Variants in DNAJC10 observed in about 807,000 individuals in gnomAD.
DNAJC10 encodes the protein DnaJ heat shock protein family (Hsp40) member C10.
Under a neutral mutation model 115.0 loss-of-function variants are expected in DNAJC10, and 101 were observed. That is an observed-to-expected ratio of 0.88 (90% confidence interval 0.75 to 1.04). DNAJC10 has a LOEUF of 1.04. Ranked by LOEUF, DNAJC10 falls within the 50% of genes least tolerant of loss-of-function variation. The pLI is 0.00. For synonymous variants in DNAJC10, 307 were observed against 301.5 expected (o/e 1.02, Z -0.19); for missense variants, 981 against 928.8 (o/e 1.06, Z -0.73).
At chr2:182,718,796 GC>G (rs1019233400) in intron 3 of DNAJC10, among the ~76,000 whole-genome samples, 2 of 152,108 alleles carry the variant, frequency 1.3e-5, no homozygotes, top group Non-Finnish European at 1.5e-5. Flanking sequence ...TGAATATAAT[GC>G]CAGTCATAAA....
chr2:182,771,016 G>C (rs777325112), intron 22 of DNAJC10, among the ~76,000 whole-genome samples: 10 of 152,134 alleles, frequency 6.6e-5, no homozygotes, highest in Non-Finnish European at 1.3e-4. Flanking sequence ...TTAGCATGAA[G>C]GGCTGTTGAA....
At position 182,718,296 on chromosome 2, in the gene DNAJC10, T is replaced by A. The variant is rs762012714; in HGVS notation, c.204+6T>A. 2 of 1,571,292 alleles carry A rather than the reference T, an allele frequency of 1.3e-6. No homozygotes were observed. Among genetic ancestry groups the A allele is most frequent in the Non-Finnish European group, 1.7e-6 (2 of 1,162,972 alleles). On this transcript the variant is annotated splice_donor_region_variant and intron_variant, in intron 3 of 23. Transcript: ENST00000264065. The stretch of plus-strand genomic sequence containing the variant: ...TACATCCTGATAAAAACCCGGTAGG[T>A]AAACGTTTGTTTTTAAAAATATTTG...
rs2305425 is a variant in DNAJC10 at position 182,741,431 on chromosome 2, A to G, written c.1191+75A>G. On this transcript the variant is annotated intron_variant, in intron 13 of 23. Transcript: ENST00000264065. Reference sequence around the variant, plus strand: ...AATTTAATGCATATAATTAAATTTTAAATAACATAAAAACTCTTATTTGAA... The same window carrying G: ...AATTTAATGCATATAATTAAATTTTGAATAACATAAAAACTCTTATTTGAA... The G allele has an allele frequency of 1.7e-5, 11 of 658,642 alleles. No individual in the cohort carries two copies. The East Asian group carries it at 2.9e-4, about 18-fold the overall frequency. The allele number at this position is 658,642 out of a possible 1,614,324, so 40.8% of individuals were successfully genotyped here.
At position 182,775,363 on chromosome 2, in the gene DNAJC10, C is replaced by G. The variant is rs749880923; in HGVS notation, c.2313C>G (p.Ile771Met). The G allele has an allele frequency of 6.2e-7, 1 of 1,612,992 alleles. No homozygotes were observed. Reference sequence around the variant, plus strand: ...TAAATACCAGAGATGCAAAAGCAATCGCTGCCTTAATAAGTGAAAAATTGG... The same window carrying G: ...TAAATACCAGAGATGCAAAAGCAATGGCTGCCTTAATAAGTGAAAAATTGG... Reference protein sequence around the residue: ...EQINTRDAKAIAALISEKLET... With the variant: ...EQINTRDAKAMAALISEKLET... Residue 771 changes from isoleucine (I) to methionine (M), a missense_variant, in exon 23 of 24, where the codon ATC becomes ATG. Transcript: ENST00000264065.
Position 182,741,350 on chromosome 2 carries a change from T to G in DNAJC10, c.1185T>G (p.His395Gln). The G allele has an allele frequency of 6.6e-7, 1 of 1,513,244 alleles. No homozygotes were observed. The highest frequency in any genetic ancestry group is 2.3e-5 in the East Asian group (1 of 43,378). The allele number at this position is 1,513,244 out of a possible 1,614,324, so 93.7% of individuals were successfully genotyped here. A position where few individuals can be genotyped will look rare whatever the true frequency, so the allele number is the denominator to read the frequency against. The change falls in exon 13 of 24, where the codon CAT becomes CAG. Residue 395 changes from histidine to glutamine, a missense_variant. Physicochemically the swap from His to Gln is conservative, Grantham distance 24 (BLOSUM62 0). Coordinates refer to ENST00000264065, the MANE Select transcript of DNAJC10 (RefSeq NM_018981.4). Reference protein sequence around the residue: ...KKLKTLLKNDHIQVGRFDCSS... With the variant: ...KKLKTLLKNDQIQVGRFDCSS... ...TAAAAACTCTACTTAAAAATGATCA[T>G]ATTCAAGTAAGAAAAATGTATTCTG...
Position 182,756,324 on chromosome 2 carries a change from A to C in DNAJC10, c.1664A>C (p.Asn555Thr), listed in dbSNP as rs1694154287. 6.2e-7 allele frequency: 1 copy of C among 1,611,920 alleles called. No homozygotes were observed. The highest frequency in any genetic ancestry group is 8.5e-7 in the Non-Finnish European group (1 of 1,179,076). Residue 555 changes from asparagine to threonine, a missense_variant, in exon 18 of 24, where the codon AAT becomes ACT. By Grantham distance (65) the Asn-to-Thr change is moderately conservative. Transcript: ENST00000264065. ...CTATATTCTCTTCAGGATCTTATGA[A>C]TCCTTCAGTGGTCTCCCTTACACCC... ...QILEFIEDLM[N>T]PSVVSLTPTT...
At chr2:182,750,565 A>T (rs540279193) in intron 14 of DNAJC10, among the ~76,000 whole-genome samples, 3 of 152,284 alleles carry the variant, frequency 2.0e-5, no homozygotes, top group African/African-American at 7.2e-5. Context: ...GAAATGTGTC[A>T]TTAGGAGATT....
intron 13 of DNAJC10, among the ~76,000 whole-genome samples, chr2:182,743,242 CTT>C (rs755884126): frequency 6.6e-6 from 1 of 152,152 alleles, no homozygotes; most frequent in Non-Finnish European, 1.5e-5. Context: ...TTTTCACACT[CTT>C]TGAAAACATC....
chr2:182,717,952 TG>T lies in DNAJC10; in HGVS notation c.-131del. 1 of 533,080 alleles carries T rather than the reference TG, an allele frequency of 1.9e-6. No individual in the cohort carries two copies. The allele number at this position is 533,080 out of a possible 1,614,324, so 33.0% of individuals were successfully genotyped here. A position where few individuals can be genotyped will look rare whatever the true frequency, so the allele number is the denominator to read the frequency against. ...CTTTTCTTTCTTAGATTAATATTTT[TG>T]GGGACAGATTTGTGATGCTTGATTC... On this transcript the variant is annotated 5_prime_UTR_variant, in exon 3 of 24. Transcript: ENST00000264065.
rs1279285295 is a variant in DNAJC10 at position 182,755,094 on chromosome 2, A to C, written c.1643A>C (p.Glu548Ala). The change falls in exon 17 of 24, where the codon GAG becomes GCG. Residue 548 changes from glutamate to alanine, a missense_variant. By Grantham distance (107) the Glu-to-Ala change is moderately radical (BLOSUM62 -1). Transcript: ENST00000264065. ...EGHHSAEQIL[E>A]FIEDLMNPSV... Reference sequence around the variant, plus strand: ...CATCACTCTGCTGAACAAATCTTGGAGTTCATAGAGGTATTTCAGATTATA... The same window carrying C: ...CATCACTCTGCTGAACAAATCTTGGCGTTCATAGAGGTATTTCAGATTATA... The C allele has an allele frequency of 6.3e-7, 1 of 1,589,010 alleles. No homozygotes were observed. The highest frequency in any genetic ancestry group is 2.2e-5 in the East Asian group (1 of 44,642).
rs924270644 is a variant in DNAJC10 at position 182,792,121 on chromosome 2, C to T, written c.*14989C>T. Reference sequence around the variant, plus strand: ...ATCATCTTGACACTCAATACATGTTCAAAGAGTAAATTAAAGAAAAAAGAG... The same window carrying T: ...ATCATCTTGACACTCAATACATGTTTAAAGAGTAAATTAAAGAAAAAAGAG... On this transcript the variant is annotated 3_prime_UTR_variant, in exon 24 of 24. Coordinates refer to ENST00000264065, the MANE Select transcript of DNAJC10 (RefSeq NM_018981.4). 3 of 152,068 alleles carry T rather than the reference C, an allele frequency of 2.0e-5. No homozygotes were observed. Among genetic ancestry groups the T allele is most frequent in the Non-Finnish European group, 2.9e-5 (2 of 68,000 alleles). The allele number at this position is 152,068 out of a possible 1,614,324, so 9.4% of individuals were successfully genotyped here.
In DNAJC10 at chr2:182,778,126, T is replaced by C. The variant is rs896272116; in HGVS notation, c.*994T>C. 5 of 152,342 alleles carry C rather than the reference T, an allele frequency of 3.3e-5. No homozygotes were observed. Among genetic ancestry groups the C allele is most frequent in the Non-Finnish European group, 5.9e-5 (4 of 68,030 alleles). 9.4% of individuals were successfully genotyped at this position (152,342 alleles called of 1,614,324 possible). ...CTGAACTTTGTTTTGACCTGTATCC[T>C]TTATTTACATTGGGTTTTTCTTTCG... is the stretch of plus-strand genomic sequence containing the variant. On this transcript the variant is annotated 3_prime_UTR_variant, in exon 24 of 24. Coordinates refer to ENST00000264065, the MANE Select transcript of DNAJC10 (RefSeq NM_018981.4).
At chr2:182,729,050 A>G (rs1693369111) in intron 7 of DNAJC10, 56 bp downstream of exon 7, 1 of 1,551,218 alleles carries the variant, frequency 6.4e-7, no homozygotes, top group Non-Finnish European at 8.9e-7. Flanking sequence ...CAAGTTAAAT[A>G]GTAGAGAAAA....
chr2:182,719,736 A>G (rs1247903450), intron 3 of DNAJC10, among the ~76,000 whole-genome samples: 1 of 150,790 alleles, frequency 6.6e-6, no homozygotes, highest in African/African-American at 2.4e-5. Flanking sequence ...AGGAAGAATA[A>G]CTCATGGTCT....
chr2:182,734,828 C>T (rs540583211), intron 10 of DNAJC10, among the ~76,000 whole-genome samples: 4 of 151,846 alleles, frequency 2.6e-5, no homozygotes, highest in Non-Finnish European at 4.4e-5. Flanking sequence ...TATCTCCTTT[C>T]GTGCCTTTTG....
intron 11 of DNAJC10, among the ~76,000 whole-genome samples, chr2:182,739,057 G>A (rs962097797): frequency 6.6e-6 from 1 of 151,512 alleles, no homozygotes; most frequent in Non-Finnish European, 1.5e-5. Context: ...TAGTGAATAG[G>A]ACTAAAGTGA....
intron 22 of DNAJC10, 28 bp from the exon 23 acceptor site, chr2:182,775,288 A>G (rs1309508161): frequency 7.4e-7 from 1 of 1,358,588 alleles, no homozygotes; most frequent in South Asian, 1.2e-5. Flanking sequence ...TTAAATACTT[A>G]AAAGATAACA....
chr2:182,766,375 C>T (rs1694412568), intron 22 of DNAJC10, among the ~76,000 whole-genome samples: 1 of 152,096 alleles, frequency 6.6e-6, no homozygotes, highest in Non-Finnish European at 1.5e-5. Flanking sequence ...GACCGAGGAG[C>T]TCTTGTGCTG....
chr2:182,763,196 GTA>G (rs1351656468), intron 22 of DNAJC10, among the ~76,000 whole-genome samples: 5 of 151,996 alleles, frequency 3.3e-5, no homozygotes, highest in Non-Finnish European at 1.5e-5. Context: ...TATTTCCTTA[GTA>G]TATTTCTATT....
Sources: gnomAD v4.1 joint callset for allele counts (sites outside exome capture counted in the v4.1 genomes callset) on GRCh38, gnomAD v4.1.1 for gene constraint, MANE v1.5 for transcripts, NCBI Gene and HGNC (gene_info 2026-07-23, HGNC 2026-07-21) for gene names.